The following CDH13 variants were observed in gnomAD, a reference collection of about 807,000 sequenced individuals.
CDH13 encodes cadherin-13.
Under a neutral mutation model 63.8 loss-of-function variants are expected in CDH13, and 24 were observed. The ratio of observed to expected loss-of-function variants is 0.38; its 90% confidence interval spans 0.27 to 0.53. CDH13 has a LOEUF of 0.53. Ranked by LOEUF, CDH13 falls within the 20% of genes least tolerant of loss-of-function variation. The probability of loss-of-function intolerance (pLI) is 0.85; values close to 1 mark genes in which losing one functional copy is unlikely to be tolerated. For synonymous variants in CDH13, 503 were observed against 355.3 expected, an observed-to-expected ratio of 1.42 and a Z score of -4.67; for missense variants, 1,049 against 903.1, an observed-to-expected ratio of 1.16 and a Z score of -2.07.
At chr16:83,277,290 C>T (rs1053508531) in intron 5 of CDH13, among the ~76,000 whole-genome samples, 1 of 152,190 alleles carries the variant, frequency 6.6e-6, no homozygotes. Context: ...TCAGGGCAGG[C>T]TGAACAAAGC....
intron 1 of CDH13, among the ~76,000 whole-genome samples, chr16:82,741,904 A>G (rs1366529030): frequency 6.6e-6 from 1 of 152,192 alleles, no homozygotes; most frequent in African/African-American, 2.4e-5. Flanking sequence ...AAATATATTC[A>G]TATGTGTTGA....
intron 4 of CDH13, among the ~76,000 whole-genome samples, chr16:83,156,123 T>C (rs2037197926): frequency 6.6e-6 from 1 of 152,186 alleles, no homozygotes; most frequent in East Asian, 1.9e-4. Context: ...TACTAAAGCT[T>C]CTTCAGCACA....
intron 11 of CDH13, among the ~76,000 whole-genome samples, chr16:83,777,465 C>G (rs1331832434): frequency 6.6e-6 from 1 of 152,240 alleles, no homozygotes; most frequent in Non-Finnish European, 1.5e-5. Context: ...TTTCTCATTG[C>G]CTTCCGGGTT....
intron 7 of CDH13, among the ~76,000 whole-genome samples, chr16:83,548,785 A>T (rs1400648281): frequency 6.6e-6 from 1 of 151,810 alleles, no homozygotes; most frequent in Non-Finnish European, 1.5e-5. Context: ...TCACCTTCCA[A>T]CCCCCTGCCT....
intron 8 of CDH13, among the ~76,000 whole-genome samples, chr16:83,610,546 T>C (rs2150762520): frequency 6.6e-6 from 1 of 152,306 alleles, no homozygotes; most frequent in Admixed American, 6.5e-5. Context: ...CTGACGTCTT[T>C]CACTATAAAC....
At chr16:82,829,220 T>A (rs1336125770) in intron 1 of CDH13, 1 of 152,290 alleles carries the variant, frequency 6.6e-6, no homozygotes, top group African/African-American at 2.4e-5. Flanking sequence ...ACACATCTTT[T>A]ATTTTGACTT....
chr16:83,768,470 T>G (rs937617552), intron 11 of CDH13, among the ~76,000 whole-genome samples: 8 of 152,120 alleles, frequency 5.3e-5, no homozygotes, highest in African/African-American at 1.9e-4. Context: ...TTAATCATAG[T>G]GTTAATGGAA....
chr16:82,707,255 A>G (rs939133830), intron 1 of CDH13, among the ~76,000 whole-genome samples: 3 of 152,260 alleles, frequency 2.0e-5, no homozygotes, highest in Admixed American at 2.0e-4. Flanking sequence ...GAGGCTATGT[A>G]TACAAAGCCA....
chr16:83,116,918 A>G (rs2035327858), intron 3 of CDH13, among the ~76,000 whole-genome samples: 2 of 152,210 alleles, frequency 1.3e-5, no homozygotes, highest in African/African-American at 2.4e-5. Flanking sequence ...AGGACAATGT[A>G]GGTTCTTCAG....
intron 2 of CDH13, among the ~76,000 whole-genome samples, chr16:82,969,451 A>AT (rs1177374050): frequency 7.8e-6 from 1 of 128,204 alleles, no homozygotes; most frequent in Admixed American, 8.0e-5. Context: ...GAAATCCCTC[A>AT]TTTTCTCTGG....
At chr16:83,462,916 G>A (rs1438776844) in intron 6 of CDH13, among the ~76,000 whole-genome samples, 2 of 152,060 alleles carry the variant, frequency 1.3e-5, no homozygotes, top group Admixed American at 1.3e-4. Flanking sequence ...TGAGCCATTG[G>A]GAATATGCTT....
At chr16:82,891,357 T>C (rs2041075974) in intron 2 of CDH13, among the ~76,000 whole-genome samples, 1 of 152,172 alleles carries the variant, frequency 6.6e-6, no homozygotes, top group Non-Finnish European at 1.5e-5. Flanking sequence ...TTTTAGGAGC[T>C]TTTAAATTTC....
At chr16:82,950,842 G>A (rs1291271862) in intron 2 of CDH13, among the ~76,000 whole-genome samples, 2 of 147,714 alleles carry the variant, frequency 1.4e-5, no homozygotes, top group Non-Finnish European at 3.0e-5. Context: ...GGTTGGCGAG[G>A]ACAGTGAAAC....
intron 1 of CDH13, among the ~76,000 whole-genome samples, chr16:82,647,877 G>A (rs1199980216): frequency 6.6e-6 from 1 of 152,158 alleles, no homozygotes; most frequent in Non-Finnish European, 1.5e-5. Flanking sequence ...TTGAATTATA[G>A]CTCCCATAGT....
chr16:83,248,834 C>T (rs936889079), intron 5 of CDH13, among the ~76,000 whole-genome samples: 1 of 152,184 alleles, frequency 6.6e-6, no homozygotes, highest in Admixed American at 6.5e-5. Flanking sequence ...AGAACTCTCC[C>T]CTGGAATTTA....
intron 6 of CDH13, among the ~76,000 whole-genome samples, chr16:83,373,199 G>A (rs2091403596): frequency 6.6e-6 from 1 of 152,160 alleles, no homozygotes; most frequent in Admixed American, 6.5e-5. Context: ...GAAGCAGACG[G>A]CATGCTCAAA....
chr16:82,728,887 G>A (rs2033245207), intron 1 of CDH13, among the ~76,000 whole-genome samples: 1 of 152,096 alleles, frequency 6.6e-6, no homozygotes, highest in African/African-American at 2.4e-5. Context: ...ACTGGTTTAG[G>A]TACTGTTTTA....
intron 2 of CDH13, among the ~76,000 whole-genome samples, chr16:82,901,404 G>C (rs1462614705): frequency 1.3e-5 from 2 of 150,874 alleles, no homozygotes; most frequent in Non-Finnish European, 2.9e-5. Flanking sequence ...AGGGTGCAGG[G>C]ATGAGGGCAA....
At chr16:82,955,674 T>C (rs550452543) in intron 2 of CDH13, among the ~76,000 whole-genome samples, 2 of 152,286 alleles carry the variant, frequency 1.3e-5, no homozygotes, top group South Asian at 4.1e-4. Flanking sequence ...ACAGATACAA[T>C]TGTGTTAGAG....
Sources: allele counts gnomAD v4.1 joint callset (sites outside exome capture counted in the v4.1 genomes callset), GRCh38; gene constraint gnomAD v4.1.1; transcripts MANE v1.5; gene names NCBI Gene and HGNC (gene_info 2026-07-23, HGNC 2026-07-21).